The following RPA2 variants were observed in gnomAD, a reference collection of about 807,000 sequenced individuals.
The protein encoded by RPA2 is replication protein A2, also known as replication protein A 32 kDa subunit.
Under a neutral mutation model 33.4 loss-of-function variants are expected in RPA2, and 22 were observed. The observed-to-expected ratio is 0.66, with a 90% confidence interval of 0.47 to 0.94. The LOEUF (loss-of-function observed/expected upper bound fraction) is 0.94, where lower values mean the gene tolerates loss of function less well. Among genes scored for constraint, RPA2 ranks in the 40% least tolerant of loss-of-function variants. RPA2 has a pLI of 0.00. For synonymous variants in RPA2, 109 were observed against 114.9 expected (o/e 0.95, Z 0.33); for missense variants, 279 against 329.9 (o/e 0.85, Z 1.19).
At chr1:27,903,445 G>A (rs1373139248) in intron 4 of RPA2, among the ~76,000 whole-genome samples, 1 of 152,084 alleles carries the variant, frequency 6.6e-6, no homozygotes, top group Non-Finnish European at 1.5e-5. Flanking sequence ...TCTTGGCTGG[G>A]CCATGGTGGC....
At chr1:27,899,121 C>T (rs1571609431) in intron 4 of RPA2, among the ~76,000 whole-genome samples, 1 of 152,076 alleles carries the variant, frequency 6.6e-6, no homozygotes, top group African/African-American at 2.4e-5. Flanking sequence ...GCCTGTAATC[C>T]TAGCATTTTG....
chr1:27,899,240 G>A (rs571618158), intron 4 of RPA2, among the ~76,000 whole-genome samples: 21 of 151,982 alleles, frequency 1.4e-4, no homozygotes, highest in Admixed American at 5.2e-4. Flanking sequence ...TGGGCACAGT[G>A]GCTCACGCCT....
In RPA2 at chr1:27,914,511, A is replaced by G. The variant is rs2090145339; in HGVS notation, c.-68T>C. On this transcript the variant is annotated 5_prime_UTR_variant, in exon 1 of 9. Coordinates refer to ENST00000373912, the MANE Select transcript of RPA2 (RefSeq NM_002946.5). The stretch of plus-strand genomic sequence containing the variant: ...CTGGGGGAATAGCGGAAAACCACAG[A>G]ACGCGGCCGCCACTGCGCCGCTCTG... 6.3e-7 allele frequency: 1 copy of G among 1,596,758 alleles called. No homozygotes were observed.
Position 27,907,005 on chromosome 1 carries a change from C to A in RPA2, c.256G>T (p.Ala86Ser), listed in dbSNP as rs2090037183. ...ATTTTGTAAACAATGTTGGTTGGAG[C>A]CTTCTCTGCATGTCTGATGATCCCC... Reference protein sequence around the residue: ...IVGIIRHAEKAPTNIVYKIDD... With the variant: ...IVGIIRHAEKSPTNIVYKIDD... The change falls in exon 4 of 9, where the codon GCT becomes TCT. Residue 86 changes from alanine to serine, a missense_variant. By Grantham distance (99) the Ala-to-Ser change is moderately conservative (BLOSUM62 1). Around this residue, in one of 2 missense-constraint regions of RPA2, gnomAD observed 274 missense variants for 310.3 expected, o/e 0.88. Coordinates refer to ENST00000373912, the MANE Select transcript of RPA2 (RefSeq NM_002946.5). 2 of 1,613,624 alleles carry A rather than the reference C, an allele frequency of 1.2e-6. No homozygotes were observed. The highest frequency in any genetic ancestry group is 1.3e-5 in the African/African-American group (1 of 74,794).
At chr1:27,905,096 A>G (rs2090012012) in intron 4 of RPA2, among the ~76,000 whole-genome samples, 2 of 152,232 alleles carry the variant, frequency 1.3e-5, no homozygotes, top group South Asian at 4.1e-4. Context: ...CCATGTTTAT[A>G]AAGACACTTA....
Position 27,897,705 on chromosome 1 carries a change from G to A in RPA2, c.336C>T (p.Asp112=), listed in dbSNP as rs1435752319. The change falls in exon 5 of 9, where the codon GAC becomes GAT. Residue 112 remains aspartate, a splice_region_variant and synonymous_variant. Transcript: ENST00000373912. Reference sequence around the variant, plus strand: ...GAACCACAGTGTTTTCACTGCTGGTGTCCTAACATAAAATACAAACATGTC... The same window carrying A: ...GAACCACAGTGTTTTCACTGCTGGTATCCTAACATAAAATACAAACATGTC... The part of the protein sequence containing the change: ...MDVRQWVDTD[D]TSSENTVVPP... 2.2e-5 allele frequency: 35 copies of A among 1,586,034 alleles called. No homozygotes were observed. Among genetic ancestry groups the A allele is most frequent in the Non-Finnish European group, 2.7e-5 (32 of 1,166,142 alleles).
intron 4 of RPA2, among the ~76,000 whole-genome samples, chr1:27,901,411 G>A (rs546447613): frequency 6.6e-6 from 1 of 151,742 alleles, no homozygotes. Flanking sequence ...TGCCCAGGCT[G>A]GAGTGCAATG....
intron 1 of RPA2, 129 bp from the exon 2 acceptor site, chr1:27,914,298 G>A (rs2090140516): frequency 1.9e-6 from 3 of 1,577,168 alleles, no homozygotes; most frequent in Non-Finnish European, 2.6e-6. Context: ...CCTTCCTGCG[G>A]GTGACCCCCA....
In RPA2 at chr1:27,891,570, GTA is replaced by G. The variant is rs1202428830; in HGVS notation, c.*591_*592del. On this transcript the variant is annotated 3_prime_UTR_variant, in exon 9 of 9. Transcript: ENST00000373912. ...GAACTGTTTTATTAAACATATGACTGTATTTATTTTGTACAAAATGCAGTAAC... is the reference window on the plus strand; with the variant it reads ...GAACTGTTTTATTAAACATATGACTGTTTATTTTGTACAAAATGCAGTAAC... 6.6e-6 allele frequency: 1 copy of G among 152,338 alleles called. No homozygotes were observed. Among genetic ancestry groups the G allele is most frequent in the Non-Finnish European group, 1.5e-5 (1 of 68,124 alleles). The allele number at this position is 152,338 out of a possible 1,614,324, so 9.4% of individuals were successfully genotyped here.
intron 8 of RPA2, among the ~76,000 whole-genome samples, chr1:27,893,751 T>C (rs373884304): frequency 1.3e-5 from 2 of 151,942 alleles, no homozygotes; most frequent in Admixed American, 6.6e-5. Flanking sequence ...GGGATTACAG[T>C]TGCGTGCCAC....
chr1:27,902,781 A>T (rs974171801), intron 4 of RPA2, among the ~76,000 whole-genome samples: 3 of 151,396 alleles, frequency 2.0e-5, no homozygotes, highest in African/African-American at 4.9e-5. Flanking sequence ...TGTTAAGGGT[A>T]TGGAAACTAA....
chr1:27,913,485 C>T (rs1255071357), intron 2 of RPA2, among the ~76,000 whole-genome samples: 7 of 150,530 alleles, frequency 4.7e-5, no homozygotes, highest in Admixed American at 1.3e-4. Context: ...CTACTCGGGA[C>T]GCTGAAGCAG....
intron 5 of RPA2, among the ~76,000 whole-genome samples, chr1:27,897,327 C>T (rs1055327858): frequency 2.6e-5 from 4 of 151,980 alleles, no homozygotes; most frequent in Non-Finnish European, 4.4e-5. Flanking sequence ...ATAATTTTCC[C>T]AAGATTGCAT....
Position 27,894,398 on chromosome 1 carries a change from C to T in RPA2, c.526-1G>A. ...TGATAGGTGCTCTCCCTGCTGAGGGCTGAATTAAGAAATAAGTTAGCAATA... is the reference window on the plus strand; with the variant it reads ...TGATAGGTGCTCTCCCTGCTGAGGGTTGAATTAAGAAATAAGTTAGCAATA... On this transcript the variant is annotated splice_acceptor_variant, in intron 6 of 8. Coordinates refer to ENST00000373912, the MANE Select transcript of RPA2 (RefSeq NM_002946.5). LOFTEE classifies it high-confidence loss of function. The T allele has an allele frequency of 2.5e-6, 4 of 1,610,208 alleles. No homozygotes were observed. The highest frequency in any genetic ancestry group is 3.4e-6 in the Non-Finnish European group (4 of 1,178,426).
At chr1:27,896,720 A>G (rs1035164710) in intron 6 of RPA2, among the ~76,000 whole-genome samples, 9 of 151,806 alleles carry the variant, frequency 5.9e-5, no homozygotes, top group Non-Finnish European at 2.9e-5. Flanking sequence ...TAAGAGCTAT[A>G]TAAGAGCTAA....
chr1:27,897,119 G>C lies in RPA2; in HGVS notation c.411C>G (p.Asn137Lys). The change falls in exon 6 of 9, where the codon AAC becomes AAG. Residue 137 changes from asparagine to lysine, a missense_variant and splice_region_variant. Coordinates refer to ENST00000373912, the MANE Select transcript of RPA2 (RefSeq NM_002946.5). ...KVAGHLRSFQ[N>K]KKSLVAFKIM... ...TCTTAAAGGCTACCAGGCTCTTTTT[G>C]TTCTATTAAAATGAAGGAAAAAAAT... 2 of 1,606,446 alleles carry C rather than the reference G, an allele frequency of 1.2e-6. No individual in the cohort carries two copies. Among genetic ancestry groups the C allele is most frequent in the Non-Finnish European group, 1.7e-6 (2 of 1,176,558 alleles).
chr1:27,902,126 G>A (rs2089975286), intron 4 of RPA2, among the ~76,000 whole-genome samples: 1 of 151,908 alleles, frequency 6.6e-6, no homozygotes, highest in African/African-American at 2.4e-5. Flanking sequence ...TTGCTCTGAT[G>A]CCCAGGCTAG....
intron 4 of RPA2, among the ~76,000 whole-genome samples, chr1:27,901,327 A>G (rs1002363969): frequency 1.3e-5 from 2 of 152,122 alleles, no homozygotes; most frequent in Non-Finnish European, 2.9e-5. Context: ...GGGTTCGGAT[A>G]ACTGATTATT....
Position 27,910,008 on chromosome 1 carries a change from G to A in RPA2, c.118-2726C>T, listed in dbSNP as rs561894120. The stretch of plus-strand genomic sequence containing the variant: ...GTTACATGCTATGTTAATATTTATA[G>A]TCTTAAAATTTGCAGGGGTCCCAGG... On this transcript the variant is annotated intron_variant, in intron 2 of 8. Coordinates refer to ENST00000373912, the MANE Select transcript of RPA2 (RefSeq NM_002946.5). Among the ~76,000 whole-genome samples the A allele has an allele frequency of 3.3e-5, 5 of 152,158 alleles. No homozygotes were observed. The South Asian group carries it at 1.0e-3, about 32-fold the overall frequency.
Sources: gnomAD v4.1 joint callset for allele counts (sites outside exome capture counted in the v4.1 genomes callset) on GRCh38, gnomAD v4.1.1 for gene constraint, gnomAD v4.1.1 regional missense constraint, MANE v1.5 for transcripts, NCBI Gene and HGNC (gene_info 2026-07-23, HGNC 2026-07-21) for gene names.